Variants in CLN6 observed in about 807,000 individuals in gnomAD.
The protein encoded by CLN6 is ceroid-lipofuscinosis neuronal protein 6.
CLN6 carries 22 observed loss-of-function variants against 33.3 expected under a neutral mutation model. The ratio of observed to expected loss-of-function variants is 0.66; its 90% confidence interval spans 0.47 to 0.94. The LOEUF (loss-of-function observed/expected upper bound fraction) is 0.94. Ranked by LOEUF, CLN6 falls within the 40% of genes least tolerant of loss-of-function variation. The probability of loss-of-function intolerance (pLI) is 0.00; values close to 1 mark genes in which losing one functional copy is unlikely to be tolerated. For missense variants in CLN6, 387 were observed against 417.1 expected (o/e 0.93, Z 0.63); for synonymous variants, 201 against 174.6 (o/e 1.15, Z -1.19).
intron 1 of CLN6, among the ~76,000 whole-genome samples, chr15:68,250,074 T>C (rs560488316): frequency 1.3e-5 from 2 of 152,160 alleles, no homozygotes; most frequent in African/African-American, 4.8e-5. Context: ...CCGGCCACTA[T>C]TGGACATTTC....
rs1451997483 is a variant in CLN6 at position 68,242,600 on chromosome 15, T to C, written c.179+14090A>G. Among the ~76,000 whole-genome samples the C allele has an allele frequency of 2.0e-5, 3 of 152,158 alleles. No homozygotes were observed. The highest frequency in any genetic ancestry group is 4.4e-5 in the Non-Finnish European group (3 of 68,020). ...ATAAGTGCTTAAATAAAATATTTTG[T>C]CAGAAAAATAGAAACTAATGCCTTT... On this transcript the variant is annotated intron_variant, in intron 1 of 6. Coordinates refer to the CLN6 transcript ENST00000538696. This position sits in a 1 kb window ranked among gnomAD's most constrained non-coding sequence, Gnocchi z 5.0.
At chr15:68,235,993 T>G (rs1019914252) in intron 1 of CLN6, among the ~76,000 whole-genome samples, 9 of 152,224 alleles carry the variant, frequency 5.9e-5, no homozygotes, top group African/African-American at 1.9e-4. Flanking sequence ...CCCTAAGCTT[T>G]TTGGTTATTG....
chr15:68,235,361 G>A (rs1332217837), intron 1 of CLN6, among the ~76,000 whole-genome samples: 4 of 152,086 alleles, frequency 2.6e-5, no homozygotes, highest in East Asian at 3.9e-4. Context: ...CCACAGCCAC[G>A]GTGAGCCACG....
intron 1 of CLN6, among the ~76,000 whole-genome samples, chr15:68,237,934 C>T (rs1324962472): frequency 1.3e-5 from 2 of 150,554 alleles, no homozygotes; most frequent in East Asian, 2.0e-4. Context: ...ACCAGCCTGG[C>T]CAATATGGTG....
chr15:68,251,472 C>T (rs532146429), intron 1 of CLN6, among the ~76,000 whole-genome samples: 65 of 151,956 alleles, frequency 4.3e-4, no homozygotes, highest in South Asian at 3.1e-3. Flanking sequence ...CTCAGGAGGT[C>T]GAGACCAGGC....
At chr15:68,244,840 G>A (rs572441273) in intron 1 of CLN6, among the ~76,000 whole-genome samples, 95 of 152,040 alleles carry the variant, frequency 6.2e-4, no homozygotes, top group Admixed American at 1.0e-3. Context: ...GATCACTTGA[G>A]GTCAGGAGTT....
At chr15:68,234,616 G>C (rs1024877218), upstream of CLN6, among the ~76,000 whole-genome samples, 1 of 152,168 alleles carries the variant, frequency 6.6e-6, no homozygotes, top group Non-Finnish European at 1.5e-5. This position sits in a 1 kb window ranked among gnomAD's most constrained non-coding sequence, Gnocchi z 4.1. Flanking sequence ...CTGCTAGCCC[G>C]TTCCCCTCCC....
chr15:68,231,920 G>A (rs1225048312), upstream of CLN6, among the ~76,000 whole-genome samples: 1 of 152,182 alleles, frequency 6.6e-6, no homozygotes, highest in Non-Finnish European at 1.5e-5. Context: ...AAATTTGGGG[G>A]AGGAGGATAG....
rs1429168327 is a variant in CLN6 at position 68,236,759 on chromosome 15, G to A, written c.180-18109C>T. Among the ~76,000 whole-genome samples the A allele has an allele frequency of 6.6e-6, 1 of 152,200 alleles. No individual in the cohort carries two copies. Among genetic ancestry groups the A allele is most frequent in the Admixed American group, 6.5e-5 (1 of 15,276 alleles). ...GACAAGTGAATTTTATCTCAATAAA[G>A]CTATTATTTAAGAAAATAAGGCAAA... On this transcript the variant is annotated intron_variant, in intron 1 of 6. Transcript: ENST00000538696. The surrounding 1 kb of genome is among the most constrained non-coding windows in gnomAD (Gnocchi z 4.5).
Position 68,211,492 on chromosome 15 carries a change from T to A in CLN6, c.487-174A>T. The A allele has an allele frequency of 1.9e-6, 3 of 1,568,372 alleles. No individual in the cohort carries two copies. Among genetic ancestry groups the A allele is most frequent in the Non-Finnish European group, 2.6e-6 (3 of 1,157,104 alleles). On this transcript the variant is annotated intron_variant, in intron 4 of 6. Transcript: ENST00000249806. This position sits in a 1 kb window ranked among gnomAD's most constrained non-coding sequence, Gnocchi z 5.9. ...TTACAGGGGCCCAGGTGGGAGGCAG[T>A]CTGTGCACCACTTCCTAAGAACACT...
intron 1 of CLN6, among the ~76,000 whole-genome samples, chr15:68,255,706 A>G (rs2141168715): frequency 6.6e-6 from 1 of 152,344 alleles, no homozygotes; most frequent in Non-Finnish European, 1.5e-5. Context: ...AGCTGGATAC[A>G]GTTTGGCTTG....
intron 1 of CLN6, among the ~76,000 whole-genome samples, chr15:68,226,701 C>G (rs1049363490): frequency 5.9e-5 from 9 of 151,972 alleles, no homozygotes; most frequent in Non-Finnish European, 1.3e-4. Flanking sequence ...TCCTGACCTC[C>G]TGATCCGCCC....
At chr15:68,235,587 A>AATAAAT (rs1862434089) in intron 1 of CLN6, among the ~76,000 whole-genome samples, 6 of 95,090 alleles carry the variant, frequency 6.3e-5, no homozygotes, top group African/African-American at 2.8e-4. Flanking sequence ...AATAAAAATA[A>AATAAAT]ATATATATAT....
rs374910620 is a variant in CLN6, at chr15:68,210,021, G to A, written c.543-262C>T. Among the ~76,000 whole-genome samples the A allele has an allele frequency of 2.6e-5, 4 of 152,182 alleles. No homozygotes were observed. Among genetic ancestry groups the A allele is most frequent in the East Asian group, 1.9e-4 (1 of 5,188 alleles). On this transcript the variant is annotated intron_variant, in intron 5 of 6. Coordinates refer to ENST00000249806, the MANE Select transcript of CLN6 (RefSeq NM_017882.3). This position sits in a 1 kb window ranked among gnomAD's most constrained non-coding sequence, Gnocchi z 5.6. ...CCGCCCAGGGCACCTCACTCACTCC[G>A]TGGGGGTAAGGGGTGTCTGGGGGGT...
chr15:68,212,792 T>C (rs1445765665), intron 3 of CLN6: 1 of 152,222 alleles, frequency 6.6e-6, no homozygotes, highest in African/African-American at 2.4e-5. Context: ...ATTACAGGTG[T>C]GAGCCACCAT....
rs572859208 is a variant in CLN6, at chr15:68,218,456, T to A, written c.198+80A>T. 186 of 1,002,666 alleles carry A rather than the reference T, an allele frequency of 1.9e-4. No individual in the cohort carries two copies. The African/African-American group carries it at 2.7e-3, about 14-fold the overall frequency. 62.1% of individuals were successfully genotyped at this position (1,002,666 alleles called of 1,614,324 possible). A position where few individuals can be genotyped will look rare whatever the true frequency, so the allele number is the denominator to read the frequency against. ...TAGGAGATAAAGGAGAAGTGACTTG[T>A]CTAAGGTCACTCGGCAAATTCAAGC... On this transcript the variant is annotated intron_variant, in intron 2 of 6. Coordinates refer to ENST00000249806, the MANE Select transcript of CLN6 (RefSeq NM_017882.3).
chr15:68,237,163 CAAAAAAAAAAA>C (rs71145147), intron 1 of CLN6, among the ~76,000 whole-genome samples: 1 of 73,948 alleles, frequency 1.4e-5, no homozygotes, highest in Admixed American at 1.7e-4. Context: ...GACTCCGTCT[CAAAAAAAAAAA>C]AAAAAAAAAA....
At chr15:68,249,581 A>G (rs1193654296) in intron 1 of CLN6, among the ~76,000 whole-genome samples, 1 of 152,168 alleles carries the variant, frequency 6.6e-6, no homozygotes, top group Non-Finnish European at 1.5e-5. Context: ...AAAGACAAAT[A>G]TATCTCATGT....
rs2093199415 is a variant in CLN6, at chr15:68,209,781, C to T, written c.543-22G>A. ...GTACCTGTGACAGGAAGGCCAGTGTCTTAGAGGCCTGCTCAGCGGCCCTCT... is the reference window on the plus strand; with the variant it reads ...GTACCTGTGACAGGAAGGCCAGTGTTTTAGAGGCCTGCTCAGCGGCCCTCT... On this transcript the variant is annotated intron_variant, in intron 5 of 6. Coordinates refer to ENST00000249806, the MANE Select transcript of CLN6 (RefSeq NM_017882.3). The surrounding 1 kb of genome is among the most constrained non-coding windows in gnomAD (Gnocchi z 4.9). The T allele has an allele frequency of 1.2e-6, 2 of 1,611,828 alleles. No homozygotes were observed. Among genetic ancestry groups the T allele is most frequent in the Non-Finnish European group, 8.5e-7 (1 of 1,179,280 alleles).
Sources: allele counts gnomAD v4.1 joint callset (sites outside exome capture counted in the v4.1 genomes callset), GRCh38; gene constraint gnomAD v4.1.1; non-coding constraint Gnocchi (gnomAD v3.1); transcripts MANE v1.5; gene names NCBI Gene and HGNC (gene_info 2026-07-23, HGNC 2026-07-21).